The following PTPRD variants were observed in gnomAD, a reference collection of about 807,000 sequenced individuals.
The protein encoded by PTPRD is protein tyrosine phosphatase receptor type D.
In PTPRD, 34 loss-of-function variants were observed where a neutral mutation model predicts 214.5. The ratio of observed to expected loss-of-function variants is 0.16; its 90% CI spans 0.12 to 0.21. PTPRD has a LOEUF of 0.21. PTPRD is among the 10% of genes least tolerant of loss of function. The probability of loss-of-function intolerance (pLI) is 1.00; values close to 1 mark genes in which losing one functional copy is unlikely to be tolerated. For synonymous variants in PTPRD, 1,128 were observed against 845.7 expected, an observed-to-expected ratio of 1.33 and a Z score of -5.79; for missense variants, 2,545 against 2,398.7, an observed-to-expected ratio of 1.06 and a Z score of -1.27.
At chr9:8,373,506 G>C (rs953827301) in intron 39 of PTPRD, among the ~76,000 whole-genome samples, 2 of 151,788 alleles carry the variant, frequency 1.3e-5, no homozygotes, top group East Asian at 3.9e-4. Flanking sequence ...ACTTCCAAAT[G>C]TCAGCAGCTA....
intron 30 of PTPRD, among the ~76,000 whole-genome samples, chr9:8,474,312 C>A (rs1016364834): frequency 6.6e-6 from 1 of 152,012 alleles, no homozygotes; most frequent in Non-Finnish European, 1.5e-5. Flanking sequence ...GATTCTTTTG[C>A]GGGGTTCATG....
chr9:10,471,120 G>A (rs1299888678), intron 2 of PTPRD, among the ~76,000 whole-genome samples: 1 of 151,072 alleles, frequency 6.6e-6, no homozygotes, highest in East Asian at 2.0e-4. Flanking sequence ...ACAGGGAGGG[G>A]AACATCACAC....
chr9:8,578,062 T>C (rs1448404988), intron 14 of PTPRD, among the ~76,000 whole-genome samples: 1 of 152,232 alleles, frequency 6.6e-6, no homozygotes, highest in Non-Finnish European at 1.5e-5. Flanking sequence ...ATTAGAATTT[T>C]ACAGTTAATT....
intron 36 of PTPRD, among the ~76,000 whole-genome samples, chr9:8,391,865 C>A (rs1589341216): frequency 6.6e-6 from 1 of 152,110 alleles, no homozygotes; most frequent in African/African-American, 2.4e-5. Context: ...GACAGGGAAT[C>A]AGACCCATCC....
intron 10 of PTPRD, among the ~76,000 whole-genome samples, chr9:9,136,626 G>T (rs1467439402): frequency 6.6e-6 from 1 of 152,072 alleles, no homozygotes; most frequent in Non-Finnish European, 1.5e-5. Context: ...AAAACAAATA[G>T]TCCAATGGTT....
chr9:10,052,216 C>T (rs914610897), intron 3 of PTPRD, among the ~76,000 whole-genome samples: 3 of 152,158 alleles, frequency 2.0e-5, no homozygotes, highest in Admixed American at 6.5e-5. Flanking sequence ...CCATCATATG[C>T]CTCAAGGGCT....
intron 10 of PTPRD, among the ~76,000 whole-genome samples, chr9:9,126,490 GA>G (rs1201192531): frequency 6.6e-6 from 1 of 152,058 alleles, no homozygotes; most frequent in Non-Finnish European, 1.5e-5. Flanking sequence ...ATATAAACAA[GA>G]TTAAAATTTC....
intron 3 of PTPRD, among the ~76,000 whole-genome samples, chr9:10,304,417 T>A (rs1193042633): frequency 1.3e-5 from 2 of 152,210 alleles, no homozygotes; most frequent in East Asian, 3.9e-4. Context: ...GGCCGGTGAA[T>A]CAGGCAGGAG....
intron 21 of PTPRD, among the ~76,000 whole-genome samples, chr9:8,514,120 A>G (rs1193713211): frequency 6.6e-6 from 1 of 152,082 alleles, no homozygotes; most frequent in East Asian, 1.9e-4. Context: ...TGATAATGCT[A>G]CCTTCACTGA....
At chr9:9,792,508 G>A (rs112286487) in intron 5 of PTPRD, among the ~76,000 whole-genome samples, 14 of 152,178 alleles carry the variant, frequency 9.2e-5, no homozygotes, top group African/African-American at 2.9e-4. Context: ...TACCCCACTG[G>A]CATTCTTCTC....
In PTPRD at chr9:9,446,476, T is replaced by C. The variant is rs138145141; in HGVS notation, c.-236-48994A>G. Among the ~76,000 whole-genome samples, 6 of 152,324 alleles carry C rather than the reference T, an allele frequency of 3.9e-5. No homozygotes were observed. In the East Asian group the frequency reaches 1.2e-3, roughly 29 times the overall value. On this transcript the variant is annotated intron_variant, in intron 8 of 45. Transcript: ENST00000381196. ...ACACCTCCTGAGACTTTCGTGAGGT[T>C]TTAACATTAGGAATCAATGTGGCCT...
intron 9 of PTPRD, among the ~76,000 whole-genome samples, chr9:9,275,065 AT>A (rs761955945): frequency 0.094 from 6,805 of 72,526 alleles, 452 homozygotes; most frequent in African/African-American, 0.1. Flanking sequence ...GTATATATAT[AT>A]TATATATATA....
intron 12 of PTPRD, among the ~76,000 whole-genome samples, chr9:8,643,078 T>C (rs541980885): frequency 3.3e-5 from 5 of 151,700 alleles, no homozygotes; most frequent in Non-Finnish European, 7.4e-5. Context: ...AGGATAGATC[T>C]TCAAAATCAA....
intron 11 of PTPRD, among the ~76,000 whole-genome samples, chr9:8,950,934 G>A (rs1001120808): frequency 1.3e-5 from 2 of 151,938 alleles, no homozygotes; most frequent in Non-Finnish European, 1.5e-5. Context: ...CAGAGTTCCA[G>A]CATGCTTTAC....
intron 34 of PTPRD, among the ~76,000 whole-genome samples, chr9:8,448,508 G>C (rs947277704): frequency 7.2e-5 from 11 of 152,104 alleles, no homozygotes; most frequent in African/African-American, 2.7e-4. Context: ...TGCATCCAGA[G>C]GGCTACGACC....
At chr9:8,363,780 C>T (rs191117305) in intron 39 of PTPRD, among the ~76,000 whole-genome samples, 2 of 152,302 alleles carry the variant, frequency 1.3e-5, no homozygotes, top group Admixed American at 1.3e-4. Flanking sequence ...AGCCCCCACC[C>T]CCAGCTATGT....
At chr9:10,360,831 G>A (rs1043168639) in intron 2 of PTPRD, among the ~76,000 whole-genome samples, 5 of 152,124 alleles carry the variant, frequency 3.3e-5, no homozygotes, top group South Asian at 2.1e-4. Flanking sequence ...GGCCAGGCGC[G>A]GTGGCTCACG....
intron 11 of PTPRD, among the ~76,000 whole-genome samples, chr9:8,843,921 C>T (rs2097627279): frequency 1.3e-5 from 2 of 152,150 alleles, no homozygotes. Context: ...CTCAGCAAAA[C>T]AACATGAGGT....
At chr9:9,019,297 A>AAAGAAAGAAAGAAAGAAAGAAAGG (rs2099550981) in intron 10 of PTPRD, among the ~76,000 whole-genome samples, 118 of 55,142 alleles carry the variant, frequency 2.1e-3, no homozygotes, top group African/African-American at 7.5e-3. Context: ...AGAAAGAAAG[A>AAAGAAAGAAAGAAAGAAAGAAAGG]AAGAAAGAAA....
Sources: gnomAD v4.1 joint callset for allele counts (sites outside exome capture counted in the v4.1 genomes callset) on GRCh38, gnomAD v4.1.1 for gene constraint, MANE v1.5 for transcripts, NCBI Gene and HGNC (gene_info 2026-07-23, HGNC 2026-07-21) for gene names.